ARHGAP28: variants seen among roughly 807,000 people sequenced by gnomAD.
ARHGAP28 encodes the protein rho GTPase-activating protein 28.
ARHGAP28 carries 56 observed loss-of-function variants against 90.7 expected under a neutral mutation model. That is an observed-to-expected ratio of 0.62 (90% confidence interval 0.50 to 0.77). ARHGAP28 has a LOEUF of 0.77. ARHGAP28 is among the 30% of genes least tolerant of loss of function. ARHGAP28 has a pLI of 0.00. For synonymous variants in ARHGAP28, 308 were observed against 323.3 expected, an observed-to-expected ratio of 0.95 and a Z score of 0.51; for missense variants, 869 against 900.9, an observed-to-expected ratio of 0.96 and a Z score of 0.45.
chr18:6,908,796 C>T (rs549222678), intron 16 of ARHGAP28, among the ~76,000 whole-genome samples, 164 bp from the exon 17 acceptor site: 60 of 152,188 alleles, frequency 3.9e-4, no homozygotes, highest in Admixed American at 1.0e-3. Flanking sequence ...CTGTGTCAGA[C>T]GGAAAAACAA....
At chr18:6,898,882 G>A (rs1380343636) in intron 16 of ARHGAP28, among the ~76,000 whole-genome samples, 1 of 152,014 alleles carries the variant, frequency 6.6e-6, no homozygotes, top group Non-Finnish European at 1.5e-5. Context: ...GGGGAGTCAG[G>A]GGCAAAAGGG....
intron 1 of ARHGAP28, among the ~76,000 whole-genome samples, chr18:6,810,400 C>A (rs893136594): frequency 2.6e-5 from 4 of 152,144 alleles, no homozygotes; most frequent in Admixed American, 2.0e-4. Flanking sequence ...GGTTGAGTAA[C>A]TACATCCCAT....
intron 1 of ARHGAP28, among the ~76,000 whole-genome samples, chr18:6,733,179 T>G (rs2055897417): frequency 6.6e-6 from 1 of 152,180 alleles, no homozygotes; most frequent in African/African-American, 2.4e-5. Context: ...ACCTAAAAGA[T>G]TCTAGGTTGC....
intron 1 of ARHGAP28, among the ~76,000 whole-genome samples, chr18:6,810,802 G>C (rs1450553539): frequency 6.6e-6 from 1 of 152,162 alleles, no homozygotes; most frequent in Non-Finnish European, 1.5e-5. Context: ...TCAGAAAGTA[G>C]ACAGAGGAGC....
chr18:6,833,067 TTTAAG>T lies in ARHGAP28; in HGVS notation c.326-4127_326-4123del, dbSNP rs202003600. Among the ~76,000 whole-genome samples, 625 of 152,240 alleles carry T rather than the reference TTTAAG, an allele frequency of 4.1e-3. 3 individuals carry two copies. Among genetic ancestry groups the T allele is most frequent in the African/African-American group, 0.015 (608 of 41,570 alleles). ...ATCAATGCAATGTTGTCATTTTTGC[TTTAAG>T]TTGTCATATGTACTTATATTCTTTT... On this transcript the variant is annotated intron_variant, in intron 2 of 17. Transcript: ENST00000383472.
At chr18:6,832,186 T>A (rs1180515001) in intron 2 of ARHGAP28, among the ~76,000 whole-genome samples, 1 of 152,062 alleles carries the variant, frequency 6.6e-6, no homozygotes, top group East Asian at 1.9e-4. Flanking sequence ...TTTTCTCAAT[T>A]TCTTTGTGTA....
At chr18:6,890,309 C>G in intron 13 of ARHGAP28, 121 bp from the exon 14 acceptor site, 2 of 754,368 alleles carry the variant, frequency 2.7e-6, no homozygotes. Context: ...AAGGACAATG[C>G]CACCATTCCT....
intron 1 of ARHGAP28, among the ~76,000 whole-genome samples, chr18:6,819,762 C>CT (rs1294330326): frequency 1.3e-5 from 2 of 152,180 alleles, no homozygotes; most frequent in African/African-American, 4.8e-5. Context: ...TCTCAAAACG[C>CT]TTTTAGCAGG....
Position 6,859,858 on chromosome 18 carries a change from T to A in ARHGAP28, c.687T>A (p.Asp229Glu), listed in dbSNP as rs2056983996. The change falls in exon 5 of 18, where the codon GAT becomes GAA. Residue 229 changes from aspartate (D) to glutamate (E), a missense_variant. Physicochemically the swap from Asp to Glu is conservative, Grantham distance 45. Transcript: ENST00000383472. ...CTACCCTGTCTGACGCATCCCAGGATAAAGAAGGGAGTTTTGCGGTTCCCA... is the reference window on the plus strand; with the variant it reads ...CTACCCTGTCTGACGCATCCCAGGAAAAAGAAGGGAGTTTTGCGGTTCCCA... ...NSTTLSDASQ[D>E]KEGSFAVPRS... 3 of 1,614,050 alleles carry A rather than the reference T, an allele frequency of 1.9e-6. No homozygotes were observed. Among genetic ancestry groups the A allele is most frequent in the Non-Finnish European group, 2.5e-6 (3 of 1,180,032 alleles).
rs187309852 is a variant in ARHGAP28, at chr18:6,775,101, G to T, written c.122+45158G>T. On this transcript the variant is annotated intron_variant, in intron 1 of 17. Coordinates refer to ENST00000383472, the MANE Select transcript of ARHGAP28 (RefSeq NM_001366230.1). ...ATTAACCTCTTTTCATGTTTAATTT[G>T]TAAAGCATTGTCATACATACAGCTA... Among the ~76,000 whole-genome samples, 12 of 152,266 alleles carry T rather than the reference G, an allele frequency of 7.9e-5. No individual in the cohort carries two copies. In the East Asian group the frequency reaches 2.1e-3, roughly 27 times the overall value.
In ARHGAP28 at chr18:6,889,974, A is replaced by G. The variant is rs4239328; in HGVS notation, c.1623A>G (p.Pro541=). The change falls in exon 13 of 18, where the codon CCA becomes CCG. Residue 541 remains proline (P), a synonymous_variant. Transcript: ENST00000383472. ...GGAACATTTCTACAGTGATGGCACC[A>G]AACCTTTTCTTCAGTAGAAGCAAAC... ...SLWNISTVMA[P]NLFFSRSKHS... The G allele has an allele frequency of 0.57, 914,262 of 1,613,808 alleles. 260,422 individuals carry two copies. The highest frequency in any genetic ancestry group is 0.68 in the East Asian group (30,721 of 44,858).
intron 16 of ARHGAP28, among the ~76,000 whole-genome samples, chr18:6,906,028 G>A (rs561497730): frequency 1.8e-4 from 27 of 152,050 alleles, no homozygotes; most frequent in African/African-American, 5.3e-4. Context: ...TTGTAAACAT[G>A]CACAAGCTTA....
At chr18:6,808,708 G>T (rs1388603506) in intron 1 of ARHGAP28, among the ~76,000 whole-genome samples, 1 of 152,116 alleles carries the variant, frequency 6.6e-6, no homozygotes, top group East Asian at 1.9e-4. Flanking sequence ...CTTTACTCTG[G>T]CAAGTGTGAA....
Position 6,889,921 on chromosome 18 carries a change from A to T in ARHGAP28, c.1570A>T (p.Asn524Tyr). Residue 524 changes from asparagine to tyrosine, a missense_variant, in exon 13 of 18, where the codon AAT (asparagine) becomes TAT (tyrosine). By Grantham distance (143) the Asn-to-Tyr change is moderately radical (BLOSUM62 -2). Transcript: ENST00000383472. The stretch of plus-strand genomic sequence containing the variant: ...GACATTCTTCAATAAAGTGATTGCC[A>T]ATGAATCAAAAAACCGAATGAGTCT... ...LMTFFNKVIA[N>Y]ESKNRMSLWN... 1 of 1,614,188 alleles carries T rather than the reference A, an allele frequency of 6.2e-7. No homozygotes were observed. Among genetic ancestry groups the T allele is most frequent in the Non-Finnish European group, 8.5e-7 (1 of 1,180,026 alleles).
chr18:6,795,479 A>G (rs1360746295), intron 1 of ARHGAP28, among the ~76,000 whole-genome samples: 8 of 152,220 alleles, frequency 5.3e-5, no homozygotes, highest in African/African-American at 1.9e-4. Flanking sequence ...GCTCTAGACC[A>G]GGGATTGGCA....
chr18:6,865,344 A>G (rs1332834816), intron 5 of ARHGAP28, among the ~76,000 whole-genome samples: 1 of 152,224 alleles, frequency 6.6e-6, no homozygotes, highest in African/African-American at 2.4e-5. Context: ...TAGATTTTGC[A>G]AGTGTTATAT....
At chr18:6,829,875 A>G (rs527722411) in intron 2 of ARHGAP28, among the ~76,000 whole-genome samples, 2 of 152,344 alleles carry the variant, frequency 1.3e-5, no homozygotes, top group African/African-American at 2.4e-5. Context: ...TTAAAACAGC[A>G]GGACTAGCAG....
chr18:6,861,384 A>G (rs958200186), intron 5 of ARHGAP28, among the ~76,000 whole-genome samples: 3 of 152,156 alleles, frequency 2.0e-5, no homozygotes, highest in Non-Finnish European at 4.4e-5. Flanking sequence ...CTCCTAAGTG[A>G]TCTCCAGACT....
chr18:6,885,452 T>C (rs985894833), intron 11 of ARHGAP28, among the ~76,000 whole-genome samples: 1 of 152,182 alleles, frequency 6.6e-6, no homozygotes, highest in East Asian at 1.9e-4. Context: ...TTTCCACTAA[T>C]GTCGTTACTT....
Sources: gnomAD v4.1 joint callset for allele counts (sites outside exome capture counted in the v4.1 genomes callset) on GRCh38, gnomAD v4.1.1 for gene constraint, MANE v1.5 for transcripts, NCBI Gene and HGNC (gene_info 2026-07-23, HGNC 2026-07-21) for gene names.